Variants in VPS13C observed in about 807,000 individuals in gnomAD.
The protein encoded by VPS13C is intermembrane lipid transfer protein VPS13C.
Under a neutral mutation model 456.8 loss-of-function variants are expected in VPS13C, and 358 were observed. The ratio of observed to expected loss-of-function variants is 0.78; its 90% CI spans 0.72 to 0.86. The LOEUF is 0.86. Among genes scored for constraint, VPS13C ranks in the 40% least tolerant of loss-of-function variants. The pLI is 0.00. For missense variants in VPS13C, 4,818 were observed against 4,385.4 expected (o/e 1.10, Z -2.79); for synonymous variants, 1,578 against 1,486.7 (o/e 1.06, Z -1.41).
intron 1 of VPS13C, among the ~76,000 whole-genome samples, chr15:62,050,680 T>C (rs532891259): frequency 1.1e-3 from 168 of 151,932 alleles, no homozygotes; most frequent in African/African-American, 3.7e-3. Context: ...CAGGTGCCTG[T>C]CATCTCAGAT....
chr15:61,882,716 T>C lies in VPS13C; in HGVS notation c.9504A>G (p.Pro3168=). 6.3e-7 allele frequency: 1 copy of C among 1,587,964 alleles called. No individual in the cohort carries two copies. Among genetic ancestry groups the C allele is most frequent in the Non-Finnish European group, 8.6e-7 (1 of 1,169,380 alleles). Residue 3168 remains proline, a synonymous_variant, in exon 69 of 85, where the codon CCA becomes CCG. Transcript: ENST00000644861. ...NNFEVNFDKD[P]MEMRLPIRSP... Reference sequence around the variant, plus strand: ...TACGAATAGGGAGGCGCATTTCCATTGGATCTTTATCAAAATTGACCTAGA... The same window carrying C: ...TACGAATAGGGAGGCGCATTTCCATCGGATCTTTATCAAAATTGACCTAGA...
intron 74 of VPS13C, among the ~76,000 whole-genome samples, chr15:61,877,549 C>A (rs1458559763): frequency 6.6e-6 from 1 of 150,998 alleles, no homozygotes. Flanking sequence ...ATTAATGATG[C>A]CATGCGTATG....
chr15:61,946,201 G>T, intron 44 of VPS13C, 106 bp downstream of exon 44: 1 of 872,494 alleles, frequency 1.1e-6, no homozygotes, highest in Non-Finnish European at 1.7e-6. Flanking sequence ...CTAATAAAGT[G>T]CCTGGTACAT....
At chr15:62,035,635 G>A (rs914877974) in intron 3 of VPS13C, among the ~76,000 whole-genome samples, 5 of 151,962 alleles carry the variant, frequency 3.3e-5, no homozygotes, top group African/African-American at 1.2e-4. Context: ...ATACCAAATT[G>A]TCACAACAGG....
chr15:62,029,946 T>C (rs1209521719), intron 5 of VPS13C, among the ~76,000 whole-genome samples: 2 of 151,926 alleles, frequency 1.3e-5, no homozygotes, highest in Non-Finnish European at 2.9e-5. Context: ...ATGAGTAAAC[T>C]AAGGAAACAA....
At position 61,936,497 on chromosome 15, in the gene VPS13C, G is replaced by C. The variant is rs11071641; in HGVS notation, c.5755+100C>G. The C allele has an allele frequency of 0.46, 554,458 of 1,211,996 alleles. 128,407 individuals carry two copies. Among genetic ancestry groups the C allele is most frequent in the Middle Eastern group, 0.57 (2,015 of 3,556 alleles). 75.1% of individuals were successfully genotyped at this position (1,211,996 alleles called of 1,614,324 possible). A position where few individuals can be genotyped will look rare whatever the true frequency, so the allele number is the denominator to read the frequency against. ...CAGTAAGTAGTACAATACTGAATTA[G>C]TTCATACCACATTGTGCTGGACAGC... On this transcript the variant is annotated intron_variant, in intron 48 of 84. Transcript: ENST00000644861.
Position 62,037,267 on chromosome 15 carries a change from TTATATAA to T in VPS13C, c.188-2222_188-2216del, listed in dbSNP as rs1567136533. 4.1e-4 allele frequency among the ~76,000 whole-genome samples: 9 copies of T among 21,708 alleles called. 1 individual carries two copies. In the Admixed American group the frequency reaches 7.0e-3, roughly 17 times the overall value. 14.2% of individuals were successfully genotyped at this position (21,708 alleles called of 152,430 possible). On this transcript the variant is annotated intron_variant, in intron 3 of 84. Transcript: ENST00000644861. ...ATATAATATATTTATATATATTATATTATATAATATATTATATATATTATATTATATA... is the reference window on the plus strand; with the variant it reads ...ATATAATATATTTATATATATTATATTATATTATATATATTATATTATATA...
intron 67 of VPS13C, 78 bp from the exon 68 acceptor site, chr15:61,884,347 G>GTT: frequency 7.0e-7 from 1 of 1,422,344 alleles, no homozygotes; most frequent in African/African-American, 1.5e-5. Flanking sequence ...CCAGATTATT[G>GTT]TAACTATTAT....
In VPS13C at chr15:61,991,230, T is replaced by C. The variant is rs2046214876; in HGVS notation, c.1484-136A>G. ...GCAAAATTAGCCAGGTAATATCCTC[T>C]AATATACTACAACTTTGACCAAACA... On this transcript the variant is annotated intron_variant, in intron 17 of 84. Transcript: ENST00000644861. The C allele has an allele frequency of 6.2e-6, 4 of 646,676 alleles. No individual in the cohort carries two copies. In the Admixed American group the frequency reaches 9.7e-5, roughly 16 times the overall value. 40.1% of individuals were successfully genotyped at this position (646,676 alleles called of 1,614,324 possible).
chr15:61,984,415 A>C (rs1481457713), intron 19 of VPS13C, among the ~76,000 whole-genome samples: 3 of 152,204 alleles, frequency 2.0e-5, no homozygotes, highest in Non-Finnish European at 4.4e-5. Context: ...CTCCTAGCTC[A>C]GTTATTCTCT....
At chr15:61,919,600 A>C in intron 57 of VPS13C, 151 bp from the exon 58 acceptor site, 1 of 856,662 alleles carries the variant, frequency 1.2e-6, no homozygotes. Flanking sequence ...ATAAACTTAA[A>C]AAGAAGACCA....
chr15:62,024,004 T>G (rs765803322), intron 6 of VPS13C, among the ~76,000 whole-genome samples, 159 bp from the exon 7 acceptor site: 1 of 152,000 alleles, frequency 6.6e-6, no homozygotes, highest in Non-Finnish European at 1.5e-5. Context: ...TAAAGACAAA[T>G]TTACAAACCT....
chr15:61,996,420 A>T (rs2046387402), intron 16 of VPS13C, among the ~76,000 whole-genome samples: 1 of 152,208 alleles, frequency 6.6e-6, no homozygotes, highest in Admixed American at 6.5e-5. Context: ...AGATCCAGAG[A>T]TTATATAATA....
intron 15 of VPS13C, among the ~76,000 whole-genome samples, chr15:62,006,869 T>A (rs2046868207): frequency 6.6e-6 from 1 of 152,214 alleles, no homozygotes; most frequent in Admixed American, 6.5e-5. Flanking sequence ...TGATGAGCAT[T>A]TTTTCATGTG....
rs777457474 is a variant in VPS13C at position 61,907,125 on chromosome 15, A to G, written c.9105+139T>C. On this transcript the variant is annotated intron_variant, in intron 66 of 84. Coordinates refer to ENST00000644861, the MANE Select transcript of VPS13C (RefSeq NM_020821.3). ...GTTTGAACTACAGTATTTGCCATCT[A>G]AAGTCCAAAAGCTACTTTTTCTGGA... The G allele has an allele frequency of 2.8e-5, 36 of 1,263,260 alleles. No individual in the cohort carries two copies. In the South Asian group the frequency reaches 3.9e-4, roughly 14 times the overall value. 78.3% of individuals were successfully genotyped at this position (1,263,260 alleles called of 1,614,324 possible). A position where few individuals can be genotyped will look rare whatever the true frequency, so the allele number is the denominator to read the frequency against.
intron 66 of VPS13C, 51 bp downstream of exon 66, chr15:61,907,213 T>C (rs753383394): frequency 4.5e-5 from 72 of 1,611,002 alleles, no homozygotes; most frequent in Middle Eastern, 1.6e-4. Context: ...GCTTCTCTAC[T>C]TCCTTCACTG....
chr15:61,922,683 T>C lies in VPS13C; in HGVS notation c.6689A>G (p.Asp2230Gly), dbSNP rs775141098. ...AAGATTTTCCATTTCCTTAGACGTA[T>C]CTTTGGATCCATCTTCTTTTGTTTT... is the stretch of plus-strand genomic sequence containing the variant. The part of the protein sequence containing the change: ...SPKTKEDGSK[D>G]TSKEMENLWG... The change falls in exon 54 of 85, where the codon GAT becomes GGT. Residue 2230 changes from aspartate (D) to glycine (G), a missense_variant. By Grantham distance (94) the Asp-to-Gly change is moderately conservative. Transcript: ENST00000644861. 1.2e-6 allele frequency: 2 copies of C among 1,614,008 alleles called. No individual in the cohort carries two copies. The highest frequency in any genetic ancestry group is 2.2e-5 in the East Asian group (1 of 44,868).
At chr15:61,949,646 G>A in intron 41 of VPS13C, 41 bp from the exon 42 acceptor site, 1 of 1,565,362 alleles carries the variant, frequency 6.4e-7, no homozygotes, top group Non-Finnish European at 8.6e-7. Context: ...TTCAGATGCA[G>A]TAAAATCTTT....
intron 5 of VPS13C, among the ~76,000 whole-genome samples, chr15:62,031,409 T>C (rs963275991): frequency 3.9e-5 from 6 of 151,998 alleles, no homozygotes; most frequent in African/African-American, 1.4e-4. Flanking sequence ...ATGTGAAATA[T>C]ATAAAGGTCA....
Sources: allele counts gnomAD v4.1 joint callset (sites outside exome capture counted in the v4.1 genomes callset), GRCh38; gene constraint gnomAD v4.1.1; transcripts MANE v1.5; gene names NCBI Gene and HGNC (gene_info 2026-07-23, HGNC 2026-07-21).